KIRREL3: variants seen among roughly 807,000 people sequenced by gnomAD.
KIRREL3 encodes kin of IRRE-like protein 3.
Under a neutral mutation model 89.7 loss-of-function variants are expected in KIRREL3, and 36 were observed. The ratio of observed to expected loss-of-function variants is 0.40; its 90% CI spans 0.31 to 0.53. The LOEUF is 0.53. KIRREL3 is among the 20% of genes least tolerant of loss of function. KIRREL3 has a pLI of 0.49. For synonymous variants in KIRREL3, 445 were observed against 441.4 expected (o/e 1.01, Z -0.10); for missense variants, 864 against 1,056.6 (o/e 0.82, Z 2.53).
At chr11:126,871,443 C>T (rs1414231750) in intron 1 of KIRREL3, among the ~76,000 whole-genome samples, 1 of 152,078 alleles carries the variant, frequency 6.6e-6, no homozygotes, top group East Asian at 1.9e-4. Context: ...CATATTTGCA[C>T]AAAACTCTTC....
chr11:126,994,321 T>C lies in KIRREL3; in HGVS notation c.55+6134A>G, dbSNP rs886655081. On this transcript the variant is annotated intron_variant, in intron 1 of 16. Coordinates refer to ENST00000525144, the MANE Select transcript of KIRREL3 (RefSeq NM_032531.4). The surrounding 1 kb of genome is among the most constrained non-coding windows in gnomAD (Gnocchi z 5.2). ...TGTTTGGCTGCCCCCTTTGCAGTTA[T>C]TTCCAAGGAGAAGAAGGATGACTTC... Among the ~76,000 whole-genome samples, 5 of 152,186 alleles carry C rather than the reference T, an allele frequency of 3.3e-5. No individual in the cohort carries two copies. Among genetic ancestry groups the C allele is most frequent in the Admixed American group, 6.5e-5 (1 of 15,280 alleles).
At chr11:126,691,470 T>C (rs887081053) in intron 1 of KIRREL3, among the ~76,000 whole-genome samples, 20 of 152,178 alleles carry the variant, frequency 1.3e-4, no homozygotes, top group Admixed American at 1.2e-3. Context: ...GAATGAACAA[T>C]AGTCCCATGC....
chr11:126,434,852 G>A (rs1955257863), intron 13 of KIRREL3, among the ~76,000 whole-genome samples: 1 of 152,108 alleles, frequency 6.6e-6, no homozygotes, highest in Admixed American at 6.5e-5. Flanking sequence ...CCGGTGTCCT[G>A]GGAAGCAGTG....
Position 126,946,333 on chromosome 11 carries a change from C to T in KIRREL3, c.55+54122G>A, listed in dbSNP as rs978588713. 6.6e-6 allele frequency among the ~76,000 whole-genome samples: 1 copy of T among 152,192 alleles called. No individual in the cohort carries two copies. Among genetic ancestry groups the T allele is most frequent in the South Asian group, 2.1e-4 (1 of 4,828 alleles). On this transcript the variant is annotated intron_variant, in intron 1 of 16. Transcript: ENST00000525144. This position sits in a 1 kb window ranked among gnomAD's most constrained non-coding sequence, Gnocchi z 4.1. Reference sequence around the variant, plus strand: ...GGAAGGGAAGATTTGGTTGCTACAACATGCCACCATACTGGGAGTTGCAAG... The same window carrying T: ...GGAAGGGAAGATTTGGTTGCTACAATATGCCACCATACTGGGAGTTGCAAG...
In KIRREL3 at chr11:126,812,226, C is replaced by A. The variant is rs888234642; in HGVS notation, c.55+188229G>T. Among the ~76,000 whole-genome samples the A allele has an allele frequency of 6.6e-6, 1 of 152,100 alleles. No homozygotes were observed. The highest frequency in any genetic ancestry group is 2.4e-5 in the African/African-American group (1 of 41,402). ...GATCATTAATTTCCTTACTTTGGAA[C>A]TTTGGGGTCCTTAGGATAGCGCTGT... On this transcript the variant is annotated intron_variant, in intron 1 of 16. Coordinates refer to ENST00000525144, the MANE Select transcript of KIRREL3 (RefSeq NM_032531.4). The surrounding 1 kb of genome is among the most constrained non-coding windows in gnomAD (Gnocchi z 5.2).
At position 126,687,267 on chromosome 11, in the gene KIRREL3, A is replaced by C. The variant is rs1456770764; in HGVS notation, c.56-124355T>G. 6.6e-6 allele frequency among the ~76,000 whole-genome samples: 1 copy of C among 152,206 alleles called. No homozygotes were observed. The highest frequency in any genetic ancestry group is 1.9e-4 in the East Asian group (1 of 5,200). On this transcript the variant is annotated intron_variant, in intron 1 of 16. Coordinates refer to ENST00000525144, the MANE Select transcript of KIRREL3 (RefSeq NM_032531.4). The surrounding 1 kb of genome is among the most constrained non-coding windows in gnomAD (Gnocchi z 4.6). The stretch of plus-strand genomic sequence containing the variant: ...GGCTTTCTTGCCTAAGCAAATTCAG[A>C]GTCACCCTAACTTGGGTCATTTGCA...
At chr11:126,425,754 T>C in intron 15 of KIRREL3, 30 bp from the exon 16 acceptor site, 1 of 1,552,030 alleles carries the variant, frequency 6.4e-7, no homozygotes, top group Non-Finnish European at 8.8e-7. Flanking sequence ...GCTCAGTAGA[T>C]AGGAGGTGGC....
chr11:126,423,636 A>C lies in KIRREL3; in HGVS notation c.*944T>G, dbSNP rs1359955560. The C allele has an allele frequency of 6.6e-6, 1 of 152,198 alleles. No individual in the cohort carries two copies. The highest frequency in any genetic ancestry group is 1.5e-5 in the Non-Finnish European group (1 of 68,038). The allele number at this position is 152,198 out of a possible 1,614,324, so 9.4% of individuals were successfully genotyped here. A position where few individuals can be genotyped will look rare whatever the true frequency, so the allele number is the denominator to read the frequency against. ...ATCAGCTGAGAAGGGCAGTCTCGCC[A>C]TCTTAAAGACCTGCCCTCCAGCCCC... On this transcript the variant is annotated 3_prime_UTR_variant, in exon 17 of 17. Coordinates refer to ENST00000525144, the MANE Select transcript of KIRREL3 (RefSeq NM_032531.4).
chr11:126,785,153 C>T (rs1304689786), intron 1 of KIRREL3, among the ~76,000 whole-genome samples: 3 of 152,022 alleles, frequency 2.0e-5, no homozygotes, highest in South Asian at 2.1e-4. Flanking sequence ...TGGTGCGGGC[C>T]GGGAGAGTGA....
chr11:126,585,010 C>T (rs1408160515), intron 1 of KIRREL3, among the ~76,000 whole-genome samples: 1 of 151,938 alleles, frequency 6.6e-6, no homozygotes, highest in Non-Finnish European at 1.5e-5. Flanking sequence ...GCTCCGCCTC[C>T]CGGGTTTACG....
At chr11:126,435,409 C>T (rs1565447119) in intron 12 of KIRREL3, 106 bp from the exon 13 acceptor site, 2 of 1,126,308 alleles carry the variant, frequency 1.8e-6, no homozygotes, top group East Asian at 4.8e-5. Context: ...GGCTCCTTTC[C>T]CAGTCATGTC....
intron 1 of KIRREL3, among the ~76,000 whole-genome samples, chr11:126,749,093 C>G (rs1310846639): frequency 1.3e-5 from 2 of 152,194 alleles, no homozygotes; most frequent in Non-Finnish European, 2.9e-5. Context: ...AGTCACTCCT[C>G]TGAGCCATGA....
In KIRREL3 at chr11:126,924,669, G is replaced by C. The variant is rs1384172043; in HGVS notation, c.55+75786C>G. Among the ~76,000 whole-genome samples, 1 of 152,146 alleles carries C rather than the reference G, an allele frequency of 6.6e-6. No individual in the cohort carries two copies. Among genetic ancestry groups the C allele is most frequent in the African/African-American group, 2.4e-5 (1 of 41,428 alleles). On this transcript the variant is annotated intron_variant, in intron 1 of 16. Coordinates refer to ENST00000525144, the MANE Select transcript of KIRREL3 (RefSeq NM_032531.4). This position sits in a 1 kb window ranked among gnomAD's most constrained non-coding sequence, Gnocchi z 4.7. ...GTGTTAAAGAAAAAGGAGCAGCTTT[G>C]CTCTATTAAAACCCCTGCCTTTCCA...
At position 126,732,440 on chromosome 11, in the gene KIRREL3, T is replaced by C. The variant is rs1592041882; in HGVS notation, c.56-169528A>G. Among the ~76,000 whole-genome samples, 3 of 152,322 alleles carry C rather than the reference T, an allele frequency of 2.0e-5. No individual in the cohort carries two copies. In the South Asian group the frequency reaches 6.2e-4, roughly 32 times the overall value. On this transcript the variant is annotated intron_variant, in intron 1 of 16. Coordinates refer to ENST00000525144, the MANE Select transcript of KIRREL3 (RefSeq NM_032531.4). ...GGAAAGCAAAGCAATGCTTCATTGTTAGCTGGACTTGTGATCAAAACCCTA... is the reference window on the plus strand; with the variant it reads ...GGAAAGCAAAGCAATGCTTCATTGTCAGCTGGACTTGTGATCAAAACCCTA...
chr11:126,947,603 A>G (rs1225945784), intron 1 of KIRREL3, among the ~76,000 whole-genome samples: 5 of 152,228 alleles, frequency 3.3e-5, no homozygotes, highest in African/African-American at 1.2e-4. Context: ...GAACATATAA[A>G]CACAGCTTCA....
rs559201156 is a variant in KIRREL3, at chr11:126,811,266, C to T, written c.55+189189G>A. ...AGGTGTCCCTAGTACCCTTCCCACC[C>T]GCTTTCATCCTCTTTCTTCAGAGAG... On this transcript the variant is annotated intron_variant, in intron 1 of 16. Transcript: ENST00000525144. The surrounding 1 kb of genome is among the most constrained non-coding windows in gnomAD (Gnocchi z 4.3). 2.0e-5 allele frequency among the ~76,000 whole-genome samples: 3 copies of T among 152,202 alleles called. No homozygotes were observed. Among genetic ancestry groups the T allele is most frequent in the Admixed American group, 6.5e-5 (1 of 15,278 alleles).
chr11:126,711,513 G>C (rs1947753445), intron 1 of KIRREL3, among the ~76,000 whole-genome samples: 1 of 152,176 alleles, frequency 6.6e-6, no homozygotes, highest in African/African-American at 2.4e-5. Context: ...ATGGAACTGA[G>C]ATCGCGCCAC....
rs1344194882 is a variant in KIRREL3 at position 126,520,734 on chromosome 11, G to C, written c.433+581C>G. ...AGATGAAGAAAGATCAAGGGGAAAA[G>C]TATGATTTGGAATAAGGACCTGAAA... On this transcript the variant is annotated intron_variant, in intron 4 of 16. Transcript: ENST00000525144. This position sits in a 1 kb window ranked among gnomAD's most constrained non-coding sequence, Gnocchi z 4.9. Among the ~76,000 whole-genome samples the C allele has an allele frequency of 2.0e-5, 3 of 152,192 alleles. No individual in the cohort carries two copies.
rs112538879 is a variant in KIRREL3, at chr11:126,839,751, C to T, written c.55+160704G>A. On this transcript the variant is annotated intron_variant, in intron 1 of 16. Transcript: ENST00000525144. Reference sequence around the variant, plus strand: ...TCCTCTGCTGTCACTGTACAATTTGCATGCTTCGGTAATGTTTTATGTATT... The same window carrying T: ...TCCTCTGCTGTCACTGTACAATTTGTATGCTTCGGTAATGTTTTATGTATT... Among the ~76,000 whole-genome samples the T allele has an allele frequency of 2.8e-3, 426 of 152,306 alleles. 1 individual carries two copies. Among genetic ancestry groups the T allele is most frequent in the African/African-American group, 9.5e-3 (396 of 41,550 alleles).
Sources: gnomAD v4.1 joint callset for allele counts (sites outside exome capture counted in the v4.1 genomes callset) on GRCh38, gnomAD v4.1.1 for gene constraint, Gnocchi (gnomAD v3.1) non-coding constraint, MANE v1.5 for transcripts, NCBI Gene and HGNC (gene_info 2026-07-23, HGNC 2026-07-21) for gene names.